GPHN: variants seen among roughly 807,000 people sequenced by gnomAD.
GPHN encodes gephyrin.
In GPHN, 17 loss-of-function variants were observed where a neutral mutation model predicts 95.5. That is an observed-to-expected ratio of 0.18 (90% CI 0.12 to 0.27). The LOEUF is 0.27. Among genes scored for constraint, GPHN ranks in the 10% least tolerant of loss-of-function variants. The probability of loss-of-function intolerance (pLI) is 1.00; values close to 1 mark genes in which losing one functional copy is unlikely to be tolerated. For synonymous variants in GPHN, 320 were observed against 322.5 expected (o/e 0.99, Z 0.08); for missense variants, 660 against 978.1 (o/e 0.67, Z 4.34).
At chr14:67,213,433 C>G in the GPHN span, among the ~76,000 whole-genome samples, 1 of 145,522 alleles carries the variant, frequency 6.9e-6, no homozygotes, top group African/African-American at 2.6e-5. Flanking sequence ...TTTGTTCTTG[C>G]GATAGTTTAC....
chr14:67,535,476 G>A, the GPHN span, among the ~76,000 whole-genome samples: 1 of 149,126 alleles, frequency 6.7e-6, no homozygotes, highest in Non-Finnish European at 1.5e-5. Context: ...CGCCTCCAGG[G>A]TTCAAGCAGT....
chr14:66,706,847 A>C (rs1005983346), intron 2 of GPHN, among the ~76,000 whole-genome samples: 3 of 152,180 alleles, frequency 2.0e-5, no homozygotes, highest in Non-Finnish European at 4.4e-5. Flanking sequence ...TCTGCACAGC[A>C]AAAGAAACTA....
intron 4 of GPHN, among the ~76,000 whole-genome samples, chr14:66,873,981 G>A (rs1449362974): frequency 6.6e-6 from 1 of 152,220 alleles, no homozygotes; most frequent in Admixed American, 6.5e-5. Context: ...AGCAGGGGTT[G>A]ACAGACATGT....
At chr14:66,747,572 C>T (rs577147152) in intron 2 of GPHN, among the ~76,000 whole-genome samples, 78 of 150,172 alleles carry the variant, frequency 5.2e-4, no homozygotes, top group Non-Finnish European at 8.9e-4. Flanking sequence ...CTTCTCAGGA[C>T]GGGTTAATAG....
chr14:66,856,082 A>C (rs910406964), intron 4 of GPHN, among the ~76,000 whole-genome samples: 1 of 152,176 alleles, frequency 6.6e-6, no homozygotes, highest in African/African-American at 2.4e-5. Flanking sequence ...GCCTTCATCA[A>C]ACAGTACTTT....
At chr14:67,522,019 C>A in the GPHN span, among the ~76,000 whole-genome samples, 122 of 152,066 alleles carry the variant, frequency 8.0e-4, 4 homozygotes, top group South Asian at 0.025. Flanking sequence ...ACTAAAAATA[C>A]AAAAATTAGC....
the GPHN span, chr14:67,725,910 G>A: frequency 1.4e-6 from 1 of 730,572 alleles, no homozygotes; most frequent in South Asian, 1.5e-5. Flanking sequence ...AAAGGAAGGG[G>A]CAGAGCAAGT....
chr14:67,350,413 G>A, the GPHN span, among the ~76,000 whole-genome samples: 4 of 152,168 alleles, frequency 2.6e-5, no homozygotes, highest in Non-Finnish European at 4.4e-5. Context: ...TAAGTATCCT[G>A]CGCCTGCAAC....
chr14:67,116,317 G>A (rs571558338), intron 16 of GPHN, among the ~76,000 whole-genome samples: 57 of 147,544 alleles, frequency 3.9e-4, no homozygotes, highest in African/African-American at 1.4e-3. Flanking sequence ...GAAAGAAAAA[G>A]AAAGAAAGAA....
chr14:66,782,282 T>C (rs1178424661), intron 3 of GPHN, among the ~76,000 whole-genome samples: 2 of 152,222 alleles, frequency 1.3e-5, no homozygotes, highest in African/African-American at 4.8e-5. Context: ...CTATTTATTC[T>C]TTTCTCAGCA....
At chr14:66,689,815 G>A (rs1010447958) in intron 2 of GPHN, among the ~76,000 whole-genome samples, 2 of 151,862 alleles carry the variant, frequency 1.3e-5, no homozygotes, top group East Asian at 3.9e-4. Flanking sequence ...ATTTGTTGGC[G>A]TATAGTTGTT....
At chr14:67,335,813 A>G in the GPHN span, 1 of 152,472 alleles carries the variant, frequency 6.6e-6, no homozygotes, top group Admixed American at 6.5e-5. Context: ...TCAAATTTTA[A>G]AAGCCACTAA....
chr14:67,345,255 A>T, the GPHN span, among the ~76,000 whole-genome samples: 2 of 150,316 alleles, frequency 1.3e-5, no homozygotes, highest in Non-Finnish European at 3.0e-5. Flanking sequence ...AAATAAATAA[A>T]TTTTTAAATT....
At chr14:67,527,843 T>C in the GPHN span, among the ~76,000 whole-genome samples, 1 of 152,234 alleles carries the variant, frequency 6.6e-6, no homozygotes. Context: ...AAGAACTCAC[T>C]CACAGCTCTG....
chr14:67,567,597 A>G, the GPHN span, among the ~76,000 whole-genome samples: 2 of 151,528 alleles, frequency 1.3e-5, no homozygotes, highest in African/African-American at 4.9e-5. Flanking sequence ...ATCCTTCCTC[A>G]CCGCCCCTCT....
chr14:67,449,824 G>A, the GPHN span: 2 of 152,234 alleles, frequency 1.3e-5, no homozygotes, highest in Non-Finnish European at 2.9e-5. Context: ...TTGGCCCAGT[G>A]CGGTGGCTCA....
the GPHN span, chr14:67,662,561 T>G: frequency 6.3e-7 from 1 of 1,579,620 alleles, no homozygotes. Context: ...AAGTTTCAAA[T>G]GCTTATTACT....
chr14:67,384,367 GTTTT>G, the GPHN span: 5 of 141,206 alleles, frequency 3.5e-5, no homozygotes, highest in African/African-American at 7.6e-5. Context: ...ACTTACTGTT[GTTTT>G]TTTTTTTTTA....
At chr14:67,045,318 C>T (rs927303178) in intron 10 of GPHN, among the ~76,000 whole-genome samples, 3 of 152,200 alleles carry the variant, frequency 2.0e-5, no homozygotes, top group Non-Finnish European at 2.9e-5. Flanking sequence ...GAAGTTGTTT[C>T]AGCTTTTTGC....
Sources: allele counts gnomAD v4.1 joint callset (sites outside exome capture counted in the v4.1 genomes callset), GRCh38; gene constraint gnomAD v4.1.1; transcripts MANE v1.5; gene names NCBI Gene and HGNC (gene_info 2026-07-23, HGNC 2026-07-21).